The following PIK3C2G variants were observed in gnomAD, a reference collection of about 807,000 sequenced individuals.
PIK3C2G encodes phosphatidylinositol 3-kinase C2 domain-containing subunit gamma.
PIK3C2G carries 168 observed loss-of-function variants against 181.1 expected under a neutral mutation model. The ratio of observed to expected loss-of-function variants is 0.93; its 90% confidence interval spans 0.82 to 1.05. The LOEUF is 1.05. PIK3C2G is among the 50% of genes least tolerant of loss of function. The pLI, the probability that PIK3C2G is intolerant of heterozygous loss-of-function variation, is 0.00. For missense variants in PIK3C2G, 1,869 were observed against 1,732.8 expected (o/e 1.08, Z -1.40); for synonymous variants, 573 against 592.2 (o/e 0.97, Z 0.47).
Position 18,562,822 on chromosome 12 carries a change from C to A in PIK3C2G, c.3710C>A (p.Ser1237Tyr). The change falls in exon 27 of 33, where the codon TCC becomes TAC. Residue 1237 changes from serine (S) to tyrosine (Y), a missense_variant. Physicochemically the swap from Ser to Tyr is moderately radical, Grantham distance 144. Coordinates refer to ENST00000538779, the MANE Select transcript of PIK3C2G (RefSeq NM_001288772.2). ...KSTSQTFPQE[S>Y]CLLSTTRSIE... ...ACTTCACAGACTTTTCCTCAGGAATCCTGTTTGCTGAGTACAACTAGGTCG... is the reference window on the plus strand; with the variant it reads ...ACTTCACAGACTTTTCCTCAGGAATACTGTTTGCTGAGTACAACTAGGTCG... The A allele has an allele frequency of 6.2e-7, 1 of 1,607,794 alleles. No homozygotes were observed. Among genetic ancestry groups the A allele is most frequent in the South Asian group, 1.1e-5 (1 of 89,592 alleles).
chr12:18,457,756 A>C (rs932510299), intron 18 of PIK3C2G, among the ~76,000 whole-genome samples: 1 of 152,188 alleles, frequency 6.6e-6, no homozygotes, highest in Non-Finnish European at 1.5e-5. Flanking sequence ...GCCATAGTAG[A>C]GTAAACTGCC....
At chr12:18,713,918 A>C in the PIK3C2G span, 1 of 152,208 alleles carries the variant, frequency 6.6e-6, no homozygotes, top group African/African-American at 2.4e-5. Context: ...ATTAATTTTC[A>C]GTGTTCATAC....
chr12:18,391,198 TA>T lies in PIK3C2G; in HGVS notation c.2075del (p.Lys692ArgfsTer4). 1.9e-6 allele frequency: 3 copies of T among 1,609,212 alleles called. No homozygotes were observed. Among genetic ancestry groups the T allele is most frequent in the Non-Finnish European group, 2.5e-6 (3 of 1,177,064 alleles). On this transcript the variant is annotated frameshift_variant, in exon 15 of 33. Transcript: ENST00000538779. LOFTEE classifies it high-confidence loss of function. The part of the protein sequence containing the change: ...EENRSNLEEP[L>X]KECIKHIARL... ...AATAGAAGTAATCTTGAAGAGCCACTAAAGGAGTGTATAAAACATATTGCCA... is the reference window on the plus strand; with the variant it reads ...AATAGAAGTAATCTTGAAGAGCCACTAAGGAGTGTATAAAACATATTGCCA...
intron 8 of PIK3C2G, among the ~76,000 whole-genome samples, chr12:18,331,488 A>C (rs1937959481): frequency 6.6e-6 from 1 of 152,058 alleles, no homozygotes; most frequent in Admixed American, 6.6e-5. Context: ...TGGGAGTGGA[A>C]CTCACTTTCA....
the PIK3C2G span, among the ~76,000 whole-genome samples, chr12:18,661,183 A>G: frequency 6.6e-6 from 1 of 152,164 alleles, no homozygotes; most frequent in African/African-American, 2.4e-5. Flanking sequence ...GCAGACCAAC[A>G]TATCCATTGT....
intron 1 of PIK3C2G, among the ~76,000 whole-genome samples, chr12:18,278,758 G>C (rs1949089495): frequency 6.6e-6 from 1 of 151,926 alleles, no homozygotes; most frequent in Non-Finnish European, 1.5e-5. Flanking sequence ...AACATTTATT[G>C]GCTGGAACTA....
chr12:18,495,919 G>A (rs1408013282), intron 20 of PIK3C2G, 143 bp from the exon 21 acceptor site: 2 of 501,772 alleles, frequency 4.0e-6, no homozygotes, highest in South Asian at 3.5e-5. Context: ...GTGTTCCAAA[G>A]TATAAAAATT....
At chr12:18,409,757 C>G (rs1429970531) in intron 16 of PIK3C2G, among the ~76,000 whole-genome samples, 1 of 151,998 alleles carries the variant, frequency 6.6e-6, no homozygotes, top group Non-Finnish European at 1.5e-5. Flanking sequence ...TCTCACATTG[C>G]TATAAAGAAA....
chr12:18,567,102 A>G lies in PIK3C2G; in HGVS notation c.4011+45A>G, dbSNP rs756094236. On this transcript the variant is annotated intron_variant, in intron 29 of 32. Coordinates refer to ENST00000538779, the MANE Select transcript of PIK3C2G (RefSeq NM_001288772.2). Reference sequence around the variant, plus strand: ...TCTATTTTTACATAAAACATCAACTATTTTATATTTTATTCGTGAGTGTGG... The same window carrying G: ...TCTATTTTTACATAAAACATCAACTGTTTTATATTTTATTCGTGAGTGTGG... 5 of 884,182 alleles carry G rather than the reference A, an allele frequency of 5.7e-6. No homozygotes were observed. In the African/African-American group the frequency reaches 6.9e-5, roughly 12 times the overall value. The allele number at this position is 884,182 out of a possible 1,614,324, so 54.8% of individuals were successfully genotyped here.
rs998701748 is a variant in PIK3C2G, at chr12:18,270,981, T to G, written c.-79+9404T>G. Reference sequence around the variant, plus strand: ...TAATCTATGCAAGATGTTTTGCTGATTTTTTTAGGCTTCCTTTACCCTCTT... The same window carrying G: ...TAATCTATGCAAGATGTTTTGCTGAGTTTTTTAGGCTTCCTTTACCCTCTT... On this transcript the variant is annotated intron_variant, in intron 1 of 32. Transcript: ENST00000538779. Among the ~76,000 whole-genome samples the G allele has an allele frequency of 2.4e-4, 37 of 152,138 alleles. 1 individual carries two copies. The highest frequency in any genetic ancestry group is 1.3e-4 in the Admixed American group (2 of 15,268).
intron 24 of PIK3C2G, among the ~76,000 whole-genome samples, chr12:18,524,971 T>C (rs927228635): frequency 3.3e-5 from 5 of 152,212 alleles, no homozygotes; most frequent in Non-Finnish European, 5.9e-5. Flanking sequence ...GTGAGGGCTT[T>C]ATAAAAGTTT....
At chr12:18,666,593 A>ACTGAC in the PIK3C2G span, among the ~76,000 whole-genome samples, 428 of 152,330 alleles carry the variant, frequency 2.8e-3, 3 homozygotes, top group African/African-American at 9.5e-3. Context: ...GAATTGAAGA[A>ACTGAC]AGAAACAGAT....
At chr12:18,653,954 C>T in the PIK3C2G span, among the ~76,000 whole-genome samples, 1 of 151,966 alleles carries the variant, frequency 6.6e-6, no homozygotes, top group Non-Finnish European at 1.5e-5. Flanking sequence ...CTCCATGATT[C>T]CGATTTACCC....
chr12:18,706,070 T>C, the PIK3C2G span, among the ~76,000 whole-genome samples: 1 of 151,510 alleles, frequency 6.6e-6, no homozygotes, highest in African/African-American at 2.4e-5. Context: ...CTACTAAAAA[T>C]GCAAAAAAGA....
intron 6 of PIK3C2G, among the ~76,000 whole-genome samples, chr12:18,314,318 T>A (rs761398991): frequency 1.3e-5 from 2 of 152,096 alleles, no homozygotes; most frequent in African/African-American, 4.8e-5. Context: ...CCCCCCAAAA[T>A]TCATAAGTTG....
intron 29 of PIK3C2G, among the ~76,000 whole-genome samples, chr12:18,588,165 C>T (rs1946889508): frequency 6.6e-6 from 1 of 151,962 alleles, no homozygotes; most frequent in Admixed American, 6.6e-5. Context: ...ACAACCTAAA[C>T]AATACCACTA....
chr12:18,622,289 A>G (rs12813646), intron 31 of PIK3C2G, among the ~76,000 whole-genome samples: 18,391 of 151,896 alleles, frequency 0.12, 1,280 homozygotes, highest in East Asian at 0.15. Flanking sequence ...GATTCCACAT[A>G]TAAGTGAGAA....
chr12:18,429,977 A>C (rs1946063855), intron 18 of PIK3C2G, among the ~76,000 whole-genome samples: 1 of 152,082 alleles, frequency 6.6e-6, no homozygotes, highest in South Asian at 2.1e-4. Context: ...GCCTCCCCAT[A>C]AATCAGATCA....
chr12:18,530,025 C>T (rs1256119374), intron 24 of PIK3C2G, among the ~76,000 whole-genome samples: 1 of 152,142 alleles, frequency 6.6e-6, no homozygotes, highest in Non-Finnish European at 1.5e-5. Flanking sequence ...TAAAATGAGG[C>T]ACCCTCATGG....
Sources: allele counts gnomAD v4.1 joint callset (sites outside exome capture counted in the v4.1 genomes callset), GRCh38; gene constraint gnomAD v4.1.1; transcripts MANE v1.5; gene names NCBI Gene and HGNC (gene_info 2026-07-23, HGNC 2026-07-21).